The following GOLPH3 variants were observed in gnomAD, a reference collection of about 807,000 sequenced individuals.
GOLPH3 encodes coat protein GPP34.
A neutral mutation model predicts 28.5 loss-of-function variants in GOLPH3; 14 were observed. That is an observed-to-expected ratio of 0.49 (90% CI 0.32 to 0.77). The LOEUF is 0.77. Among genes scored for constraint, GOLPH3 ranks in the 30% least tolerant of loss-of-function variants. The pLI, the probability that GOLPH3 is intolerant of heterozygous loss-of-function variation, is 0.03. For missense variants in GOLPH3, 350 were observed against 393.7 expected (o/e 0.89, Z 0.94); for synonymous variants, 158 against 159.2 (o/e 0.99, Z 0.06).
chr5:32,156,619 G>T (rs772226957), intron 1 of GOLPH3, among the ~76,000 whole-genome samples: 4 of 151,796 alleles, frequency 2.6e-5, no homozygotes, highest in African/African-American at 4.9e-5. Flanking sequence ...CTGGAGCGGC[G>T]GGGGGGATGG....
chr5:32,155,698 C>T (rs563440441), intron 1 of GOLPH3, among the ~76,000 whole-genome samples: 32 of 152,128 alleles, frequency 2.1e-4, no homozygotes, highest in African/African-American at 7.7e-4. Flanking sequence ...TGGCTCATGC[C>T]TATAATCTCA....
intron 1 of GOLPH3, among the ~76,000 whole-genome samples, chr5:32,166,628 T>A (rs990776873): frequency 6.6e-6 from 1 of 152,016 alleles, no homozygotes; most frequent in African/African-American, 2.4e-5. Context: ...GCCAACATGG[T>A]GAAACCCCAT....
At chr5:32,154,844 G>A (rs1192786423) in intron 1 of GOLPH3, among the ~76,000 whole-genome samples, 1 of 152,096 alleles carries the variant, frequency 6.6e-6, no homozygotes, top group Non-Finnish European at 1.5e-5. Context: ...CAGTACTTTG[G>A]GAGGCCAAGG....
At chr5:32,156,709 C>T (rs1344014764) in intron 1 of GOLPH3, among the ~76,000 whole-genome samples, 2 of 152,162 alleles carry the variant, frequency 1.3e-5, no homozygotes, top group Non-Finnish European at 2.9e-5. Context: ...CCTTAGATCC[C>T]TCATCACATG....
intron 2 of GOLPH3, among the ~76,000 whole-genome samples, chr5:32,142,174 G>A (rs1436062817): frequency 1.3e-5 from 2 of 150,450 alleles, no homozygotes; most frequent in African/African-American, 4.9e-5. Flanking sequence ...CCTCTTCCCG[G>A]CCGCCATCAC....
At position 32,126,146 on chromosome 5, in the gene GOLPH3, G is replaced by T; in HGVS notation, c.*66C>A. On this transcript the variant is annotated 3_prime_UTR_variant, in exon 4 of 4. Transcript: ENST00000265070. ...GGAAAGTACAAATTACAGAAAACCAGAAGTCAACAGAAGAAAAACTACTGG... is the reference window on the plus strand; with the variant it reads ...GGAAAGTACAAATTACAGAAAACCATAAGTCAACAGAAGAAAAACTACTGG... 6.8e-7 allele frequency: 1 copy of T among 1,461,862 alleles called. No individual in the cohort carries two copies. Among genetic ancestry groups the T allele is most frequent in the Admixed American group, 2.1e-5 (1 of 46,742 alleles). 90.6% of individuals were successfully genotyped at this position (1,461,862 alleles called of 1,614,324 possible).
At chr5:32,149,639 T>G (rs1234244730) in intron 1 of GOLPH3, among the ~76,000 whole-genome samples, 2 of 152,184 alleles carry the variant, frequency 1.3e-5, no homozygotes, top group East Asian at 3.8e-4. Flanking sequence ...TGAAGGTGAC[T>G]TCAGGTAAAA....
At chr5:32,171,228 T>G (rs1746828061) in intron 1 of GOLPH3, among the ~76,000 whole-genome samples, 1 of 152,128 alleles carries the variant, frequency 6.6e-6, no homozygotes, top group African/African-American at 2.4e-5. Context: ...CTGGAAGAAC[T>G]GTCTTGGGCC....
intron 1 of GOLPH3, among the ~76,000 whole-genome samples, chr5:32,163,436 G>A (rs1293166921): frequency 6.6e-6 from 1 of 152,130 alleles, no homozygotes; most frequent in Non-Finnish European, 1.5e-5. Context: ...CCAGCACTTT[G>A]GGAGGCCAGG....
chr5:32,154,156 AT>A (rs368978375), intron 1 of GOLPH3, among the ~76,000 whole-genome samples: 255 of 152,312 alleles, frequency 1.7e-3, no homozygotes, highest in Non-Finnish European at 2.5e-3. Context: ...GCAAGTCATA[AT>A]TTTAAAAAAG....
Position 32,135,669 on chromosome 5 carries a change from A to G in GOLPH3, c.375T>C (p.Asp125=). The change falls in exon 3 of 4, where the codon GAT becomes GAC. Residue 125 remains aspartate, a synonymous_variant. Coordinates refer to ENST00000265070, the MANE Select transcript of GOLPH3 (RefSeq NM_022130.4). ...CAAGAAGAACATCCCCTGTTGGAGC[A>G]TCTGACTTACAGATTACCTAAAAAG... ...LLTRKVICKS[D]APTGDVLLDE... 6.2e-7 allele frequency: 1 copy of G among 1,611,530 alleles called. No individual in the cohort carries two copies. The highest frequency in any genetic ancestry group is 8.5e-7 in the Non-Finnish European group (1 of 1,177,750).
intron 1 of GOLPH3, among the ~76,000 whole-genome samples, chr5:32,165,829 T>C (rs998493698): frequency 3.3e-5 from 5 of 152,196 alleles, no homozygotes; most frequent in Admixed American, 1.3e-4. Flanking sequence ...TGCTTCTAAA[T>C]GTCATTTAGC....
In GOLPH3 at chr5:32,126,272, T is replaced by G; in HGVS notation, c.837A>C (p.Glu279Asp). Residue 279 changes from glutamate (E) to aspartate (D), a missense_variant, in exon 4 of 4, where the codon GAA (glutamate) becomes GAC (aspartate). By Grantham distance (45) the Glu-to-Asp change is conservative. Coordinates refer to ENST00000265070, the MANE Select transcript of GOLPH3 (RefSeq NM_022130.4). Reference sequence around the variant, plus strand: ...CCTCATTGGTGTTGGCCTTCAGACATTCCACTTCAGGGTCTAAGTCGAGAA... The same window carrying G: ...CCTCATTGGTGTTGGCCTTCAGACAGTCCACTTCAGGGTCTAAGTCGAGAA... ...RQLLDLDPEV[E>D]CLKANTNEVL... 6.2e-7 allele frequency: 1 copy of G among 1,614,140 alleles called. No homozygotes were observed. Among genetic ancestry groups the G allele is most frequent in the Non-Finnish European group, 8.5e-7 (1 of 1,180,016 alleles).
rs145481728 is a variant in GOLPH3 at position 32,134,989 on chromosome 5, G to A, written c.472+583C>T. ...CCATGCTATCAGCCAAACTTTTCAC[G>A]TTCTCCTCCCTAAGGTTGCACTTCC... On this transcript the variant is annotated intron_variant, in intron 3 of 3. Coordinates refer to ENST00000265070, the MANE Select transcript of GOLPH3 (RefSeq NM_022130.4). 3.6e-3 allele frequency among the ~76,000 whole-genome samples: 554 copies of A among 152,234 alleles called. 2 individuals carry two copies. Among genetic ancestry groups the A allele is most frequent in the African/African-American group, 0.013 (522 of 41,528 alleles).
rs1198872266 is a variant in GOLPH3, at chr5:32,161,033, C to T, written c.225+12777G>A. Reference sequence around the variant, plus strand: ...AGTGAGCCGAGATCGCGCCACTGCACTCCAGCCTGGGTGACAGAGCGAGAC... The same window carrying T: ...AGTGAGCCGAGATCGCGCCACTGCATTCCAGCCTGGGTGACAGAGCGAGAC... On this transcript the variant is annotated intron_variant, in intron 1 of 3. Transcript: ENST00000265070. Among the ~76,000 whole-genome samples the T allele has an allele frequency of 3.6e-5, 5 of 137,560 alleles. 1 individual carries two copies. Among genetic ancestry groups the T allele is most frequent in the African/African-American group, 8.5e-5 (3 of 35,350 alleles). The allele number at this position is 137,560 out of a possible 152,430, so 90.2% of individuals were successfully genotyped here.
At chr5:32,128,002 A>G (rs1745720575) in intron 3 of GOLPH3, among the ~76,000 whole-genome samples, 1 of 152,034 alleles carries the variant, frequency 6.6e-6, no homozygotes, top group Admixed American at 6.6e-5. Context: ...TTAAGGCAGC[A>G]GAGATCAGAG....
rs182566017 is a variant in GOLPH3, at chr5:32,140,463, A to G, written c.357+3286T>C. 6.6e-5 allele frequency among the ~76,000 whole-genome samples: 10 copies of G among 152,192 alleles called. No homozygotes were observed. In the East Asian group the frequency reaches 1.7e-3, roughly 26 times the overall value. The stretch of plus-strand genomic sequence containing the variant: ...TCAGGAGTTCAATACCAGCCTGACC[A>G]ATATGGTGAAACCCCATCTCTACTA... On this transcript the variant is annotated intron_variant, in intron 2 of 3. Coordinates refer to ENST00000265070, the MANE Select transcript of GOLPH3 (RefSeq NM_022130.4).
At chr5:32,135,288 G>A (rs955544677) in intron 3 of GOLPH3, among the ~76,000 whole-genome samples, 6 of 152,192 alleles carry the variant, frequency 3.9e-5, no homozygotes, top group Non-Finnish European at 8.8e-5. Flanking sequence ...TACCACCACA[G>A]CTTAACCTAG....
intron 3 of GOLPH3, among the ~76,000 whole-genome samples, chr5:32,133,789 C>CAT (rs1250073259): frequency 6.6e-6 from 1 of 152,046 alleles, no homozygotes; most frequent in Non-Finnish European, 1.5e-5. Context: ...AACAAGCCCT[C>CAT]ATCAAATGGG....
Sources: gnomAD v4.1 joint callset for allele counts (sites outside exome capture counted in the v4.1 genomes callset) on GRCh38, gnomAD v4.1.1 for gene constraint, MANE v1.5 for transcripts, NCBI Gene and HGNC (gene_info 2026-07-23, HGNC 2026-07-21) for gene names.